FHIT: variants seen among roughly 807,000 people sequenced by gnomAD.
FHIT encodes fragile histidine triad diadenosine triphosphatase.
Under a neutral mutation model 17.9 loss-of-function variants are expected in FHIT, and 19 were observed. The ratio of observed to expected loss-of-function variants is 1.06; its 90% CI spans 0.74 to 1.56. The LOEUF is 1.56. Among genes scored for constraint, FHIT ranks in the 40% most tolerant of loss-of-function variants. The pLI is 0.00. For synonymous variants in FHIT, 81 were observed against 69.7 expected, an observed-to-expected ratio of 1.16 and a Z score of -0.81; for missense variants, 248 against 189.2, an observed-to-expected ratio of 1.31 and a Z score of -1.82.
chr3:61,111,745 A>G (rs960040370), intron 2 of FHIT, among the ~76,000 whole-genome samples: 1 of 152,224 alleles, frequency 6.6e-6, no homozygotes, highest in African/African-American at 2.4e-5. Context: ...TGGAACTGGA[A>G]AGAAACTAAT....
At chr3:59,889,521 C>T (rs1168997515) in intron 8 of FHIT, among the ~76,000 whole-genome samples, 1 of 152,220 alleles carries the variant, frequency 6.6e-6, no homozygotes, top group Non-Finnish European at 1.5e-5. Flanking sequence ...ACTCACTAGG[C>T]AACCATGGCC....
chr3:60,297,332 T>A (rs1708257477), intron 5 of FHIT, among the ~76,000 whole-genome samples: 2 of 152,126 alleles, frequency 1.3e-5, no homozygotes, highest in African/African-American at 4.8e-5. Flanking sequence ...ATTCTGTAGT[T>A]TTCACCATAC....
intron 4 of FHIT, among the ~76,000 whole-genome samples, chr3:60,663,048 G>A (rs1553691565): frequency 6.7e-6 from 1 of 149,290 alleles, no homozygotes; most frequent in African/African-American, 2.5e-5. Context: ...GCCTATTTAT[G>A]GAAGTCTATT....
chr3:60,456,988 G>T (rs1191221465), intron 5 of FHIT, among the ~76,000 whole-genome samples: 6 of 152,260 alleles, frequency 3.9e-5, no homozygotes, highest in Non-Finnish European at 8.8e-5. Flanking sequence ...TCAATATCAT[G>T]AAAATGGCCA....
chr3:60,014,365 G>T (rs927073668), intron 5 of FHIT, among the ~76,000 whole-genome samples: 3 of 152,218 alleles, frequency 2.0e-5, no homozygotes, highest in Non-Finnish European at 4.4e-5. Context: ...AGAAGCTGTG[G>T]TATGCAGAAG....
intron 4 of FHIT, among the ~76,000 whole-genome samples, chr3:60,640,784 T>C (rs561306174): frequency 6.6e-6 from 1 of 152,356 alleles, no homozygotes; most frequent in Admixed American, 6.5e-5. Flanking sequence ...TTTTATTGCA[T>C]GCTACTGTGA....
At chr3:60,091,405 G>A (rs1306662827) in intron 5 of FHIT, among the ~76,000 whole-genome samples, 1 of 152,186 alleles carries the variant, frequency 6.6e-6, no homozygotes, top group Non-Finnish European at 1.5e-5. Flanking sequence ...TTGCTGGCTA[G>A]AGAACAGATG....
chr3:60,236,559 T>C (rs1334940937), intron 5 of FHIT, among the ~76,000 whole-genome samples: 1 of 152,160 alleles, frequency 6.6e-6, no homozygotes, highest in Non-Finnish European at 1.5e-5. Context: ...AATGGGTTTT[T>C]CTAATGAATT....
chr3:60,530,523 A>G (rs241700), intron 5 of FHIT, among the ~76,000 whole-genome samples: 50,763 of 151,950 alleles, frequency 0.33, 8,929 homozygotes, highest in East Asian at 0.44. Flanking sequence ...TCGGCTCCAG[A>G]AACAAAAAAT....
chr3:60,482,524 CACTCAAA>C (rs2033657035), intron 5 of FHIT, among the ~76,000 whole-genome samples: 1 of 152,172 alleles, frequency 6.6e-6, no homozygotes, highest in Non-Finnish European at 1.5e-5. Flanking sequence ...TTAAGAAACT[CACTCAAA>C]ACCACACAAT....
At chr3:60,683,650 A>G (rs1346246698) in intron 4 of FHIT, among the ~76,000 whole-genome samples, 1 of 152,084 alleles carries the variant, frequency 6.6e-6, no homozygotes, top group Non-Finnish European at 1.5e-5. Context: ...CTTTATTGTG[A>G]TGGTCTGGAA....
chr3:61,202,039 T>C lies in FHIT; in HGVS notation c.-212-1374A>G, dbSNP rs960825717. The stretch of plus-strand genomic sequence containing the variant: ...ATATACATACACATGTGTATATATA[T>C]ACCTACATATATATACACGCACATA... On this transcript the variant is annotated intron_variant, in intron 1 of 9. Transcript: ENST00000492590. Among the ~76,000 whole-genome samples the C allele has an allele frequency of 3.4e-4, 52 of 151,142 alleles. 1 individual carries two copies. Among genetic ancestry groups the C allele is most frequent in the Non-Finnish European group, 1.2e-4 (8 of 67,920 alleles).
intron 4 of FHIT, among the ~76,000 whole-genome samples, chr3:60,820,423 C>G (rs1701885899): frequency 2.0e-5 from 3 of 152,162 alleles, no homozygotes; most frequent in South Asian, 4.1e-4. Flanking sequence ...CTCCATTTTA[C>G]CTCATTTCAT....
At chr3:60,924,285 T>G (rs1707457404) in intron 3 of FHIT, among the ~76,000 whole-genome samples, 2 of 151,948 alleles carry the variant, frequency 1.3e-5, no homozygotes, top group African/African-American at 4.8e-5. Flanking sequence ...GACCCCCGAG[T>G]AGCCTAACTG....
At chr3:60,837,761 C>A (rs1171000006) in intron 3 of FHIT, among the ~76,000 whole-genome samples, 1 of 152,040 alleles carries the variant, frequency 6.6e-6, no homozygotes, top group Non-Finnish European at 1.5e-5. Flanking sequence ...AAGTGTCTTT[C>A]AGTGCATTTC....
chr3:60,364,517 G>C (rs1700031380), intron 5 of FHIT, among the ~76,000 whole-genome samples: 1 of 152,156 alleles, frequency 6.6e-6, no homozygotes, highest in African/African-American at 2.4e-5. Context: ...ATCACTGAAG[G>C]CTTGAATGAA....
At position 59,800,816 on chromosome 3, in the gene FHIT, C is replaced by T. The variant is rs186651732; in HGVS notation, c.349-48495G>A. Among the ~76,000 whole-genome samples the T allele has an allele frequency of 3.3e-5, 5 of 152,032 alleles. No homozygotes were observed. The East Asian group carries it at 5.8e-4, about 18-fold the overall frequency. On this transcript the variant is annotated intron_variant, in intron 8 of 9. Coordinates refer to ENST00000492590, the MANE Select transcript of FHIT (RefSeq NM_002012.4). ...GCAGTGGCTGAGTGTTAAACCACAA[C>T]AGGACAGGAGTGCAGGAGGGGGAGA...
chr3:60,011,478 A>T (rs867734600), intron 6 of FHIT, 78 bp from the exon 7 acceptor site: 4 of 1,176,400 alleles, frequency 3.4e-6, no homozygotes, highest in Non-Finnish European at 2.5e-6. Context: ...TCACCCATTA[A>T]TAATTTAGAT....
At chr3:59,836,045 T>A (rs759947301) in intron 8 of FHIT, among the ~76,000 whole-genome samples, 5 of 152,074 alleles carry the variant, frequency 3.3e-5, no homozygotes, top group Non-Finnish European at 7.4e-5. Flanking sequence ...GTACCTTAAA[T>A]CAAGAATATC....
Sources: allele counts gnomAD v4.1 joint callset (sites outside exome capture counted in the v4.1 genomes callset), GRCh38; gene constraint gnomAD v4.1.1; transcripts MANE v1.5; gene names NCBI Gene and HGNC (gene_info 2026-07-23, HGNC 2026-07-21).